Variants in SELENOT observed in about 807,000 individuals in gnomAD.
The protein encoded by SELENOT is selenoprotein T, also known as thioredoxin reductase-like selenoprotein T.
SELENOT carries 9 observed loss-of-function variants against 24.3 expected under a neutral mutation model. The observed-to-expected ratio is 0.37, with a 90% CI of 0.22 to 0.65. SELENOT has a LOEUF of 0.65. Among genes scored for constraint, SELENOT ranks in the 30% least tolerant of loss-of-function variants. The probability of loss-of-function intolerance (pLI) is 0.60; values close to 1 mark genes in which losing one functional copy is unlikely to be tolerated. For synonymous variants in SELENOT, 81 were observed against 86.0 expected (o/e 0.94, Z 0.32); for missense variants, 166 against 247.6 (o/e 0.67, Z 2.21).
At position 150,603,473 on chromosome 3, in the gene SELENOT, G is replaced by A. The variant is rs893659091; in HGVS notation, c.111G>A (p.Thr37=). ...PSKRLKMQYA[T]GPLLKFQICV... Reference sequence around the variant, plus strand: ...AGAGATTAAAGATGCAGTACGCCACGGGGCCGCTGCTCAAGTTCCAGATTT... The same window carrying A: ...AGAGATTAAAGATGCAGTACGCCACAGGGCCGCTGCTCAAGTTCCAGATTT... The change falls in exon 1 of 6, where the codon ACG becomes ACA. Residue 37 remains threonine (T), a synonymous_variant. Coordinates refer to ENST00000471696, the MANE Select transcript of SELENOT (RefSeq NM_016275.5). 4 of 1,608,526 alleles carry A rather than the reference G, an allele frequency of 2.5e-6. No homozygotes were observed. The highest frequency in any genetic ancestry group is 1.7e-5 in the Admixed American group (1 of 59,694).
At chr3:150,614,009 A>T (rs925918643) in intron 1 of SELENOT, among the ~76,000 whole-genome samples, 22 of 147,840 alleles carry the variant, frequency 1.5e-4, no homozygotes, top group South Asian at 6.4e-4. Context: ...TTTTAGGTTT[A>T]TTTTTTTTTT....
At chr3:150,605,578 ATGCT>A (rs1166397276) in intron 1 of SELENOT, among the ~76,000 whole-genome samples, 42 of 152,302 alleles carry the variant, frequency 2.8e-4, no homozygotes, top group African/African-American at 9.1e-4. Context: ...TATAACAAAA[ATGCT>A]TCCATTTAAA....
chr3:150,611,606 G>A (rs1320207471), intron 1 of SELENOT: 21 of 1,436,312 alleles, frequency 1.5e-5, no homozygotes, highest in African/African-American at 5.6e-5. Flanking sequence ...AGATGCCTGC[G>A]CTCTTATCCA....
Position 150,626,990 on chromosome 3 carries a change from G to T in SELENOT, c.464-20G>T. On this transcript the variant is annotated intron_variant, in intron 4 of 5. Coordinates refer to ENST00000471696, the MANE Select transcript of SELENOT (RefSeq NM_016275.5). The stretch of plus-strand genomic sequence containing the variant: ...AATCATCTTTAATTTTTTGGGGGGC[G>T]GTGCCATTTATTTTTATAGATGTAC... 1.2e-6 allele frequency: 2 copies of T among 1,602,446 alleles called. No individual in the cohort carries two copies. Among genetic ancestry groups the T allele is most frequent in the Non-Finnish European group, 1.7e-6 (2 of 1,175,828 alleles).
At chr3:150,613,060 G>T (rs1010238948) in intron 1 of SELENOT, among the ~76,000 whole-genome samples, 2 of 152,136 alleles carry the variant, frequency 1.3e-5, no homozygotes, top group Non-Finnish European at 2.9e-5. Context: ...AAAGATTTTT[G>T]AGCAGAATTA....
At chr3:150,626,810 A>T (rs1481465721) in intron 4 of SELENOT, 200 bp from the exon 5 acceptor site, 1 of 541,144 alleles carries the variant, frequency 1.8e-6, no homozygotes, top group Non-Finnish European at 3.2e-6. Context: ...CTAAGTACAC[A>T]ATTGTAATTT....
chr3:150,612,785 T>G (rs1464579992), intron 1 of SELENOT, among the ~76,000 whole-genome samples: 1 of 152,252 alleles, frequency 6.6e-6, no homozygotes, highest in Non-Finnish European at 1.5e-5. Context: ...GCCACTTTTG[T>G]TATATTCTGC....
At chr3:150,621,351 A>G (rs769422324) in intron 1 of SELENOT, among the ~76,000 whole-genome samples, 6 of 152,038 alleles carry the variant, frequency 3.9e-5, no homozygotes, top group Non-Finnish European at 8.8e-5. Flanking sequence ...TAGAAACTCC[A>G]TGCTGTTCCT....
chr3:150,625,410 G>A (rs752800882), intron 4 of SELENOT, among the ~76,000 whole-genome samples: 4 of 151,934 alleles, frequency 2.6e-5, no homozygotes, highest in African/African-American at 4.8e-5. Context: ...AGTTGCCCAT[G>A]CCAGAAACCT....
intron 3 of SELENOT, among the ~76,000 whole-genome samples, chr3:150,624,299 ATT>A (rs1445045856): frequency 6.6e-6 from 1 of 152,130 alleles, no homozygotes; most frequent in East Asian, 1.9e-4. Context: ...TAGTCCTGTG[ATT>A]TTGTTAAAGT....
intron 1 of SELENOT, chr3:150,618,911 G>C (rs1211778139): frequency 6.6e-6 from 1 of 152,168 alleles, no homozygotes; most frequent in Non-Finnish European, 1.5e-5. Context: ...TTTCTGTTCT[G>C]CATAGATCAT....
At chr3:150,622,562 T>A in intron 2 of SELENOT, 67 bp downstream of exon 2, 1 of 675,308 alleles carries the variant, frequency 1.5e-6, no homozygotes, top group South Asian at 3.3e-5. Flanking sequence ...GTGAATTGGT[T>A]TAATTAGCTG....
chr3:150,624,760 G>C, intron 3 of SELENOT, 52 bp from the exon 4 acceptor site: 1 of 1,128,988 alleles, frequency 8.9e-7, no homozygotes, highest in South Asian at 1.5e-5. Context: ...ATTAAAAAGA[G>C]CATTTACCAA....
intron 1 of SELENOT, among the ~76,000 whole-genome samples, chr3:150,620,355 C>T (rs1440009729): frequency 1.3e-5 from 2 of 152,126 alleles, no homozygotes; most frequent in Non-Finnish European, 2.9e-5. Flanking sequence ...ACTTCCTGGA[C>T]ATATGAAGGA....
At chr3:150,616,206 G>A (rs1483839134) in intron 1 of SELENOT, among the ~76,000 whole-genome samples, 146 of 139,370 alleles carry the variant, frequency 1.0e-3, no homozygotes, top group Non-Finnish European at 1.4e-3. Flanking sequence ...AATTCAAGAT[G>A]GATTAAAGAC....
intron 1 of SELENOT, chr3:150,614,692 A>C: frequency 6.5e-6 from 1 of 153,330 alleles, no homozygotes; most frequent in Middle Eastern, 1.0e-3. Flanking sequence ...AAGAACTTTA[A>C]AATCATTTTT....
chr3:150,603,480 C>T lies in SELENOT; in HGVS notation c.118C>T (p.Leu40=). 2 of 1,607,706 alleles carry T rather than the reference C, an allele frequency of 1.2e-6. No individual in the cohort carries two copies. Among genetic ancestry groups the T allele is most frequent in the South Asian group, 1.1e-5 (1 of 90,740 alleles). The change falls in exon 1 of 6, where the codon CTG becomes TTG. Residue 40 remains leucine (L), a synonymous_variant. Transcript: ENST00000471696. ...RLKMQYATGP[L]LKFQICVSUG... ...AAAGATGCAGTACGCCACGGGGCCG[C>T]TGCTCAAGTTCCAGATTTGGTGAGT... is the stretch of plus-strand genomic sequence containing the variant.
At chr3:150,627,492 G>A (rs748855393) in intron 5 of SELENOT, among the ~76,000 whole-genome samples, 167 bp from the exon 6 acceptor site, 3 of 152,118 alleles carry the variant, frequency 2.0e-5, no homozygotes, top group Non-Finnish European at 2.9e-5. Context: ...GTTCCTGGGA[G>A]TATGCAAATT....
chr3:150,611,404 A>C, intron 1 of SELENOT: 1 of 1,238,882 alleles, frequency 8.1e-7, no homozygotes, highest in Non-Finnish European at 1.2e-6. Flanking sequence ...TGCTTTATTA[A>C]GTCCTGGTCT....
Sources: gnomAD v4.1 joint callset for allele counts (sites outside exome capture counted in the v4.1 genomes callset) on GRCh38, gnomAD v4.1.1 for gene constraint, MANE v1.5 for transcripts, NCBI Gene and HGNC (gene_info 2026-07-23, HGNC 2026-07-21) for gene names.